ENOX2: variants seen among roughly 807,000 people sequenced by gnomAD.
ENOX2 encodes ecto-NOX disulfide-thiol exchanger 2, also known as APK1 antigen.
In ENOX2, 36 loss-of-function variants were observed where a neutral mutation model predicts 45.0. That is an observed-to-expected ratio of 0.80 (90% CI 0.61 to 1.06). ENOX2 has a LOEUF of 1.06. Ranked by LOEUF, ENOX2 falls within the 50% of genes least tolerant of loss-of-function variation. The pLI is 0.00. For synonymous variants in ENOX2, 174 were observed against 152.3 expected, an observed-to-expected ratio of 1.14 and a Z score of -1.05; for missense variants, 423 against 462.5, an observed-to-expected ratio of 0.91 and a Z score of 0.78.
intron 2 of ENOX2, among the ~76,000 whole-genome samples, chrX:130,858,218 C>T (rs1447500445): frequency 9.3e-6 from 1 of 107,738 alleles, no homozygotes; most frequent in African/African-American, 3.4e-5. Context: ...CGGGTTCAAG[C>T]GATTCTCCTG....
chrX:130,633,626 A>G (rs2035847597), intron 12 of ENOX2, among the ~76,000 whole-genome samples: 1 of 112,481 alleles, frequency 8.9e-6, no homozygotes, highest in African/African-American at 3.2e-5. Context: ...TACTTCTTTA[A>G]ATGAAATACT....
intron 2 of ENOX2, among the ~76,000 whole-genome samples, chrX:130,899,208 A>G: frequency 8.9e-6 from 1 of 112,002 alleles, no homozygotes; most frequent in Non-Finnish European, 1.9e-5. Context: ...AATTATGGGC[A>G]CTTTAATTTA....
chrX:130,685,984 A>G (rs2037439389), intron 5 of ENOX2, among the ~76,000 whole-genome samples: 1 of 111,479 alleles, frequency 9.0e-6, no homozygotes, highest in Admixed American at 9.5e-5. Context: ...CAGGGGAGGG[A>G]ATGGATGGCA....
rs1471104268 is a variant in ENOX2 at position 130,759,287 on chromosome X, T to C, written c.-39+24260A>G. The stretch of plus-strand genomic sequence containing the variant: ...ACCCATGGATGTCCAATTTCTCCAG[T>C]ATCACTGAAAAGGTCAGATGCCCTC... On this transcript the variant is annotated intron_variant, in intron 3 of 14. Coordinates refer to ENST00000394363, the MANE Select transcript of ENOX2 (RefSeq NM_006375.4). 6.3e-5 allele frequency among the ~76,000 whole-genome samples: 7 copies of C among 111,347 alleles called. No individual in the cohort carries two copies. In the East Asian group the frequency reaches 2.0e-3, roughly 31 times the overall value.
rs189289781 is a variant in ENOX2 at position 130,751,983 on chromosome X, G to T, written c.-39+31564C>A. Among the ~76,000 whole-genome samples, 658 of 111,412 alleles carry T rather than the reference G, an allele frequency of 5.9e-3. 3 individuals are homozygous for T. The highest frequency in any genetic ancestry group is 7.7e-3 in the Non-Finnish European group (408 of 52,864). ...ATACTATACCCTTACCAGATATATG[G>T]TTTGCAAATATTTTCTCCCAGTATG... On this transcript the variant is annotated intron_variant, in intron 3 of 14. Transcript: ENST00000394363.
chrX:130,818,562 T>G (rs973802481), intron 2 of ENOX2, among the ~76,000 whole-genome samples: 3 of 111,229 alleles, frequency 2.7e-5, no homozygotes, highest in Non-Finnish European at 5.7e-5. Flanking sequence ...TACAGACCAA[T>G]GGAACAGAAC....
At chrX:130,643,271 A>G (rs1467057105) in intron 10 of ENOX2, among the ~76,000 whole-genome samples, 3 of 111,588 alleles carry the variant, frequency 2.7e-5, no homozygotes, top group African/African-American at 9.8e-5. Context: ...AATGGAGAAG[A>G]CAAAAGAAAC....
At chrX:130,713,879 T>G (rs762903427) in intron 3 of ENOX2, among the ~76,000 whole-genome samples, 2 of 111,389 alleles carry the variant, frequency 1.8e-5, no homozygotes, top group South Asian at 3.8e-4. Flanking sequence ...GGTGTTCAAC[T>G]AGAAATCTTA....
At chrX:130,669,574 T>C (rs1359462647) in intron 7 of ENOX2, among the ~76,000 whole-genome samples, 1 of 112,194 alleles carries the variant, frequency 8.9e-6, no homozygotes, top group Non-Finnish European at 1.9e-5. Flanking sequence ...TCAAATCCTA[T>C]CATCCTGATT....
intron 2 of ENOX2, among the ~76,000 whole-genome samples, chrX:130,859,660 G>A (rs904302451): frequency 1.8e-5 from 2 of 112,000 alleles, no homozygotes; most frequent in African/African-American, 6.5e-5. Flanking sequence ...AGTGTTTTGA[G>A]CAAGGGAGTG....
At chrX:130,703,346 G>C in intron 3 of ENOX2, 92 bp from the exon 4 acceptor site, 1 of 883,683 alleles carries the variant, frequency 1.1e-6, no homozygotes, top group Non-Finnish European at 1.6e-6. Context: ...ACTGTTTATA[G>C]AAATGGCTGG....
chrX:130,706,226 T>C (rs1239179449), intron 3 of ENOX2, among the ~76,000 whole-genome samples: 1 of 112,040 alleles, frequency 8.9e-6, no homozygotes, highest in African/African-American at 3.2e-5. Flanking sequence ...TCTGGAAGAA[T>C]TCAAAAACAA....
chrX:130,633,191 T>G (rs140082331), intron 12 of ENOX2, among the ~76,000 whole-genome samples: 1 of 111,985 alleles, frequency 8.9e-6, no homozygotes. Context: ...ACTGTTATAC[T>G]GCAAAACACT....
chrX:130,831,292 A>G (rs1023709968), intron 2 of ENOX2, among the ~76,000 whole-genome samples: 6 of 111,669 alleles, frequency 5.4e-5, no homozygotes, highest in Admixed American at 9.5e-5. Context: ...TTTTAACATG[A>G]GTTTTGGAGG....
At chrX:130,812,771 T>A (rs898669866) in intron 2 of ENOX2, among the ~76,000 whole-genome samples, 9 of 111,789 alleles carry the variant, frequency 8.1e-5, no homozygotes, top group African/African-American at 2.3e-4. Flanking sequence ...TATCAAAATT[T>A]CACAGACATT....
intron 9 of ENOX2, among the ~76,000 whole-genome samples, chrX:130,660,330 C>T (rs1392767024): frequency 8.9e-6 from 1 of 112,157 alleles, no homozygotes; most frequent in Non-Finnish European, 1.9e-5. Context: ...AGTGACAGTA[C>T]TCCTAAAAAT....
chrX:130,704,424 T>G (rs1428031193), intron 3 of ENOX2, among the ~76,000 whole-genome samples: 1 of 111,779 alleles, frequency 8.9e-6, no homozygotes, highest in African/African-American at 3.3e-5. Flanking sequence ...AGCACGTACA[T>G]GTACACAGTG....
At chrX:130,731,002 C>G (rs1267320284) in intron 3 of ENOX2, among the ~76,000 whole-genome samples, 1 of 110,599 alleles carries the variant, frequency 9.0e-6, no homozygotes, top group Non-Finnish European at 1.9e-5. Flanking sequence ...TGGCCTGAAC[C>G]TGTATTTCAG....
intron 12 of ENOX2, among the ~76,000 whole-genome samples, chrX:130,632,474 G>A (rs757237209): frequency 1.3e-4 from 14 of 107,478 alleles, no homozygotes; most frequent in East Asian, 2.9e-4. Flanking sequence ...CTTTGGGTAC[G>A]GAGAATATCT....
Sources: gnomAD v4.1 joint callset for allele counts (sites outside exome capture counted in the v4.1 genomes callset) on GRCh38, gnomAD v4.1.1 for gene constraint, MANE v1.5 for transcripts, NCBI Gene and HGNC (gene_info 2026-07-23, HGNC 2026-07-21) for gene names.